Variants in SLC12A1 observed in about 807,000 individuals in gnomAD.
SLC12A1 encodes solute carrier family 12 member 1.
A neutral mutation model predicts 130.4 loss-of-function variants in SLC12A1; 89 were observed. The observed-to-expected ratio is 0.68, with a 90% CI of 0.58 to 0.81. The LOEUF is 0.81. Ranked by LOEUF, SLC12A1 falls within the 40% of genes least tolerant of loss-of-function variation. The pLI, the probability that SLC12A1 is intolerant of heterozygous loss-of-function variation, is 0.00. For missense variants in SLC12A1, 1,310 were observed against 1,336.4 expected (o/e 0.98, Z 0.31); for synonymous variants, 499 against 460.0 (o/e 1.08, Z -1.09).
intron 10 of SLC12A1, among the ~76,000 whole-genome samples, chr15:48,243,072 G>A (rs922928886): frequency 5.3e-5 from 8 of 152,058 alleles, no homozygotes; most frequent in African/African-American, 1.9e-4. Flanking sequence ...CCTAGTATAG[G>A]AGAAGGACAG....
At chr15:48,289,202 A>G (rs912820231) in intron 23 of SLC12A1, among the ~76,000 whole-genome samples, 15 of 151,508 alleles carry the variant, frequency 9.9e-5, no homozygotes, top group African/African-American at 2.4e-4. Flanking sequence ...AACATGACAC[A>G]TCTAGAGGTC....
At position 48,207,739 on chromosome 15, in the gene SLC12A1, C is replaced by A. The variant is rs1051687018; in HGVS notation, c.20C>A (p.Ser7Tyr). The change falls in exon 2 of 27, where the codon TCC (serine) becomes TAC (tyrosine). Residue 7 changes from serine to tyrosine, a missense_variant. Transcript: ENST00000380993. Reference protein sequence around the residue: MSLNNSSNVFLDSVPSN... With the variant: MSLNNSYNVFLDSVPSN... ...TGGAAGATGTCACTGAACAACTCTT[C>A]CAATGTATTTCTGGATTCAGTGCCC... is the stretch of plus-strand genomic sequence containing the variant. 1.3e-6 allele frequency: 2 copies of A among 1,586,258 alleles called. No individual in the cohort carries two copies. Among genetic ancestry groups the A allele is most frequent in the Non-Finnish European group, 1.7e-6 (2 of 1,166,450 alleles).
At chr15:48,206,973 T>C (rs2140998031) in intron 1 of SLC12A1, among the ~76,000 whole-genome samples, 1 of 152,208 alleles carries the variant, frequency 6.6e-6, no homozygotes, top group East Asian at 1.9e-4. Flanking sequence ...TGATGGGATG[T>C]ATTTTTTAAA....
rs34048912 is a variant in SLC12A1 at position 48,269,510 on chromosome 15, G to A, written c.2296-148G>A. The A allele has an allele frequency of 9.6e-3, 4,152 of 433,922 alleles. 30 individuals carry two copies. Among genetic ancestry groups the A allele is most frequent in the Non-Finnish European group, 0.013 (3,058 of 237,176 alleles). The allele number at this position is 433,922 out of a possible 1,614,324, so 26.9% of individuals were successfully genotyped here. A position where few individuals can be genotyped will look rare whatever the true frequency, so the allele number is the denominator to read the frequency against. ...ATCTTTCCATTTTATGCTTGGGTAC[G>A]GGCATGAAGGACATGCACTAAAATG... On this transcript the variant is annotated intron_variant, in intron 18 of 26. Transcript: ENST00000380993.
At chr15:48,240,092 C>CATATATATATATATATATATATCCAT (rs1202434183) in intron 9 of SLC12A1, among the ~76,000 whole-genome samples, 1 of 60,450 alleles carries the variant, frequency 1.7e-5, no homozygotes, top group African/African-American at 8.2e-5. Context: ...TATATATATC[C>CATATATATATATATATATATATCCAT]ATATATATAT....
chr15:48,302,657 C>T (rs2042248985), intron 26 of SLC12A1, 93 bp from the exon 27 acceptor site: 1 of 413,354 alleles, frequency 2.4e-6, no homozygotes, highest in Non-Finnish European at 4.3e-6. Context: ...AAAATTAAGG[C>T]TGCCAGTTAT....
At chr15:48,294,075 C>A (rs1367012772) in intron 24 of SLC12A1, among the ~76,000 whole-genome samples, 2 of 150,330 alleles carry the variant, frequency 1.3e-5, no homozygotes, top group Admixed American at 6.6e-5. Flanking sequence ...AGGAGCCAAG[C>A]ACTGTGACTC....
rs1320092456 is a variant in SLC12A1, at chr15:48,303,453, C to A, written c.*568C>A. 6.6e-6 allele frequency: 1 copy of A among 152,088 alleles called. No homozygotes were observed. The highest frequency in any genetic ancestry group is 1.5e-5 in the Non-Finnish European group (1 of 68,030). 9.4% of individuals were successfully genotyped at this position (152,088 alleles called of 1,614,324 possible). A position where few individuals can be genotyped will look rare whatever the true frequency, so the allele number is the denominator to read the frequency against. On this transcript the variant is annotated 3_prime_UTR_variant, in exon 27 of 27. Coordinates refer to ENST00000380993, the MANE Select transcript of SLC12A1 (RefSeq NM_000338.3). ...AAACTTTAAGAAGTAGTTGAGTCTA[C>A]AAAATATTCAAAGCAGTTACCTAAA...
At chr15:48,236,915 A>G in intron 9 of SLC12A1, 1 of 607,086 alleles carries the variant, frequency 1.6e-6, no homozygotes, top group Non-Finnish European at 2.9e-6. Flanking sequence ...ACTCCTTAAA[A>G]ACAAGTTTGT....
At chr15:48,255,457 G>T (rs1041005625) in intron 15 of SLC12A1, among the ~76,000 whole-genome samples, 5 of 150,088 alleles carry the variant, frequency 3.3e-5, no homozygotes, top group African/African-American at 1.2e-4. Context: ...AAAAAAAGAA[G>T]AATTTGTGAA....
At chr15:48,297,480 G>A (rs753188522) in intron 24 of SLC12A1, among the ~76,000 whole-genome samples, 19 of 152,188 alleles carry the variant, frequency 1.2e-4, no homozygotes, top group African/African-American at 2.2e-4. Flanking sequence ...AACACAGTAC[G>A]GATACTGGGG....
At chr15:48,256,298 A>T (rs1337951680) in intron 16 of SLC12A1, among the ~76,000 whole-genome samples, 1 of 152,198 alleles carries the variant, frequency 6.6e-6, no homozygotes. Flanking sequence ...TTAGCTTTTC[A>T]TTAGTTGTAT....
In SLC12A1 at chr15:48,288,077, G is replaced by A; in HGVS notation, c.2664G>A (p.Val888=). The stretch of plus-strand genomic sequence containing the variant: ...TTAACACAAGCCAGTCGATGCATGT[G>A]GGAGAGTTCAACCAGAAACTGGTGG... The part of the protein sequence containing the change: ...GSINTSQSMH[V]GEFNQKLVEA... Residue 888 remains valine (V), a synonymous_variant, in exon 22 of 27, where the codon GTG becomes GTA. Transcript: ENST00000380993. 6.2e-7 allele frequency: 1 copy of A among 1,611,044 alleles called. No individual in the cohort carries two copies.
At chr15:48,289,897 C>A (rs2042101976) in intron 23 of SLC12A1, among the ~76,000 whole-genome samples, 2 of 152,058 alleles carry the variant, frequency 1.3e-5, no homozygotes, top group South Asian at 4.2e-4. Context: ...TATACTTGGG[C>A]TACACAAAAT....
chr15:48,259,411 C>CA (rs1215893446), intron 17 of SLC12A1, 100 bp downstream of exon 17: 151 of 830,558 alleles, frequency 1.8e-4, no homozygotes, highest in East Asian at 2.4e-5. Context: ...AGGAAAATAG[C>CA]AAAAAAACAG....
chr15:48,302,338 C>T (rs1232795456), intron 26 of SLC12A1, among the ~76,000 whole-genome samples: 3 of 151,856 alleles, frequency 2.0e-5, no homozygotes, highest in Admixed American at 1.3e-4. Flanking sequence ...TTAAGGCTGC[C>T]GGCCGGGCGC....
intron 24 of SLC12A1, among the ~76,000 whole-genome samples, chr15:48,298,623 TCTC>T (rs2042201323): frequency 1.3e-5 from 2 of 152,188 alleles, no homozygotes; most frequent in South Asian, 2.1e-4. Flanking sequence ...CCCTTGCTGT[TCTC>T]CTCCTACCTG....
At chr15:48,232,145 A>G (rs1439492949) in intron 7 of SLC12A1, among the ~76,000 whole-genome samples, 1 of 152,228 alleles carries the variant, frequency 6.6e-6, no homozygotes, top group Non-Finnish European at 1.5e-5. Context: ...CTTTCCAGGT[A>G]AAGGAAACAG....
chr15:48,272,914 C>A (rs2041912725), intron 19 of SLC12A1, among the ~76,000 whole-genome samples: 1 of 151,838 alleles, frequency 6.6e-6, no homozygotes, highest in African/African-American at 2.4e-5. Flanking sequence ...TTGAGACGAA[C>A]CTGGTCAAGA....
Sources: gnomAD v4.1 joint callset for allele counts (sites outside exome capture counted in the v4.1 genomes callset) on GRCh38, gnomAD v4.1.1 for gene constraint, MANE v1.5 for transcripts, NCBI Gene and HGNC (gene_info 2026-07-23, HGNC 2026-07-21) for gene names.